MICALL1: variants seen among roughly 807,000 people sequenced by gnomAD.
The protein encoded by MICALL1 is MICAL-like protein 1.
A neutral mutation model predicts 83.7 loss-of-function variants in MICALL1; 61 were observed. The ratio of observed to expected loss-of-function variants is 0.73; its 90% confidence interval spans 0.59 to 0.90. The LOEUF (loss-of-function observed/expected upper bound fraction) is 0.90, where lower values mean the gene tolerates loss of function less well. MICALL1 is among the 40% of genes least tolerant of loss of function. The pLI, the probability that MICALL1 is intolerant of heterozygous loss-of-function variation, is 0.00. For missense variants in MICALL1, 1,066 were observed against 1,152.0 expected (o/e 0.93, Z 1.08); for synonymous variants, 481 against 473.6 (o/e 1.02, Z -0.20).
intron 14 of MICALL1, 90 bp downstream of exon 14, chr22:37,937,284 C>T: frequency 8.9e-7 from 1 of 1,122,046 alleles, no homozygotes; most frequent in Non-Finnish European, 1.3e-6. Flanking sequence ...CCTGGAGAGC[C>T]AAAGACACAG....
rs369024859 is a variant in MICALL1, at chr22:37,923,251, G to A, written c.1024+825G>A. Among the ~76,000 whole-genome samples the A allele has an allele frequency of 3.6e-3, 543 of 150,566 alleles. 1 individual carries two copies. Among genetic ancestry groups the A allele is most frequent in the Middle Eastern group, 0.01 (3 of 286 alleles). On this transcript the variant is annotated intron_variant, in intron 6 of 15. Coordinates refer to ENST00000215957, the MANE Select transcript of MICALL1 (RefSeq NM_033386.4). Reference sequence around the variant, plus strand: ...GGGCTCTTTTTATTTTTTTTGAGACGGAATCTCACTCTGTCATCCAGGTGG... The same window carrying A: ...GGGCTCTTTTTATTTTTTTTGAGACAGAATCTCACTCTGTCATCCAGGTGG...
rs965348975 is a variant in MICALL1 at position 37,941,637 on chromosome 22, TC to T, written c.*809del. The T allele has an allele frequency of 1.3e-5, 2 of 152,368 alleles. No individual in the cohort carries two copies. The highest frequency in any genetic ancestry group is 2.4e-5 in the African/African-American group (1 of 41,434). 9.4% of individuals were successfully genotyped at this position (152,368 alleles called of 1,614,324 possible). On this transcript the variant is annotated 3_prime_UTR_variant, in exon 16 of 16. Transcript: ENST00000215957. ...ACTTGAAGCAGGTGCTCATCTCGGT[TC>T]CTTAACGTTTATAGTCTGACCCCTC...
intron 13 of MICALL1, among the ~76,000 whole-genome samples, chr22:37,933,844 T>C (rs773160205): frequency 2.2e-4 from 34 of 152,212 alleles, no homozygotes; most frequent in Non-Finnish European, 3.5e-4. Flanking sequence ...GTCAAGGGAC[T>C]TGGCTGTTGG....
intron 15 of MICALL1, among the ~76,000 whole-genome samples, chr22:37,939,093 A>T (rs1930291853): frequency 6.6e-6 from 1 of 152,064 alleles, no homozygotes; most frequent in African/African-American, 2.4e-5. Context: ...CCAGTACCTC[A>T]CTTTGTGGCC....
At chr22:37,934,519 T>C (rs1308726645) in intron 13 of MICALL1, among the ~76,000 whole-genome samples, 1 of 151,212 alleles carries the variant, frequency 6.6e-6, no homozygotes, top group African/African-American at 2.4e-5. Context: ...GGTGAGGCCA[T>C]AGGGGAAAGG....
At chr22:37,909,627 G>C (rs1230296935) in intron 1 of MICALL1, among the ~76,000 whole-genome samples, 1 of 152,014 alleles carries the variant, frequency 6.6e-6, no homozygotes, top group East Asian at 1.9e-4. Context: ...CAAAGTGCTG[G>C]GATTATAGGT....
At chr22:37,926,961 G>A (rs1407582962) in intron 8 of MICALL1, 2 of 180,010 alleles carry the variant, frequency 1.1e-5, no homozygotes, top group Non-Finnish European at 2.3e-5. Context: ...TGCAGATAAT[G>A]TGTTTGGAAG....
At chr22:37,929,021 G>C (rs76605220) in intron 9 of MICALL1, among the ~76,000 whole-genome samples, 3,042 of 152,220 alleles carry the variant, frequency 0.02, 96 homozygotes, top group African/African-American at 0.066. Context: ...TACTTGGGAG[G>C]CTGAGGTAGG....
intron 15 of MICALL1, 120 bp downstream of exon 15, chr22:37,937,912 C>T: frequency 8.2e-7 from 1 of 1,215,722 alleles, no homozygotes. Flanking sequence ...TGTGCACAAA[C>T]TCCGCAGCCT....
chr22:37,936,769 G>A (rs958403369), intron 13 of MICALL1, among the ~76,000 whole-genome samples: 2 of 152,128 alleles, frequency 1.3e-5, no homozygotes, highest in African/African-American at 2.4e-5. Flanking sequence ...GCAGGTGCCT[G>A]TAGTCCCAGC....
At position 37,941,342 on chromosome 22, in the gene MICALL1, T is replaced by C. The variant is rs1930426604; in HGVS notation, c.*512T>C. ...ATCTCAGTTTCCCTCACTCAGGAAC[T>C]CTGTTTCTGAAGTCTTCAGTTAAGT... is the stretch of plus-strand genomic sequence containing the variant. On this transcript the variant is annotated 3_prime_UTR_variant, in exon 16 of 16. Transcript: ENST00000215957. The C allele has an allele frequency of 6.4e-6, 1 of 156,234 alleles. No homozygotes were observed. The highest frequency in any genetic ancestry group is 1.4e-5 in the Non-Finnish European group (1 of 70,216). 9.7% of individuals were successfully genotyped at this position (156,234 alleles called of 1,614,324 possible).
At chr22:37,934,814 T>C (rs1001163625) in intron 13 of MICALL1, among the ~76,000 whole-genome samples, 20 of 150,920 alleles carry the variant, frequency 1.3e-4, no homozygotes, top group Non-Finnish European at 2.7e-4. Context: ...GCCAGGATGG[T>C]CTCGATCTCC....
Position 37,919,097 on chromosome 22 carries a change from C to A in MICALL1, c.488C>A (p.Thr163Lys), listed in dbSNP as rs368318202. 1 of 1,551,986 alleles carries A rather than the reference C, an allele frequency of 6.4e-7. No individual in the cohort carries two copies. The highest frequency in any genetic ancestry group is 8.7e-7 in the Non-Finnish European group (1 of 1,147,624). ...EQGTGQTPSSTCAACQQHVHL... is the reference protein window; with the variant it reads ...EQGTGQTPSSKCAACQQHVHL... Reference sequence around the variant, plus strand: ...GGCACCGGCCAGACCCCCAGCAGCACGTGCGCAGCCTGCCAGCAGCATGTG... The same window carrying A: ...GGCACCGGCCAGACCCCCAGCAGCAAGTGCGCAGCCTGCCAGCAGCATGTG... Residue 163 changes from threonine (T) to lysine (K), a missense_variant, in exon 5 of 16, where the codon ACG becomes AAG. By Grantham distance (78) the Thr-to-Lys change is moderately conservative. Transcript: ENST00000215957.
At chr22:37,908,608 A>G (rs758587189) in intron 1 of MICALL1, among the ~76,000 whole-genome samples, 38 of 151,858 alleles carry the variant, frequency 2.5e-4, no homozygotes, top group Non-Finnish European at 2.6e-4. Flanking sequence ...CCCAATAACA[A>G]TGTTTGATTT....
chr22:37,915,985 G>A (rs1368858878), intron 3 of MICALL1, among the ~76,000 whole-genome samples: 1 of 152,160 alleles, frequency 6.6e-6, no homozygotes. Context: ...TCACTGATTA[G>A]CGTTTAGCTG....
At chr22:37,915,263 A>G (rs1928605526) in intron 3 of MICALL1, among the ~76,000 whole-genome samples, 1 of 152,178 alleles carries the variant, frequency 6.6e-6, no homozygotes, top group Non-Finnish European at 1.5e-5. Context: ...AAACAGAAAA[A>G]ATAAACAAGA....
At chr22:37,925,009 G>A (rs1256017602) in intron 7 of MICALL1, among the ~76,000 whole-genome samples, 1 of 152,180 alleles carries the variant, frequency 6.6e-6, no homozygotes, top group African/African-American at 2.4e-5. Flanking sequence ...ATGGGAGGCC[G>A]AGGCTTGATT....
intron 13 of MICALL1, among the ~76,000 whole-genome samples, chr22:37,933,951 A>C (rs1031936607): frequency 6.6e-6 from 1 of 152,150 alleles, no homozygotes; most frequent in Non-Finnish European, 1.5e-5. Context: ...GGAACTGTCT[A>C]CTGACTGGGG....
chr22:37,918,238 C>T (rs1928801219), intron 4 of MICALL1, among the ~76,000 whole-genome samples: 1 of 152,206 alleles, frequency 6.6e-6, no homozygotes, highest in African/African-American at 2.4e-5. Context: ...GCATTATGGG[C>T]CCTGGTATAC....
Sources: gnomAD v4.1 joint callset for allele counts (sites outside exome capture counted in the v4.1 genomes callset) on GRCh38, gnomAD v4.1.1 for gene constraint, MANE v1.5 for transcripts, NCBI Gene and HGNC (gene_info 2026-07-23, HGNC 2026-07-21) for gene names.